The following RAP1GAP variants were observed in gnomAD, a reference collection of about 807,000 sequenced individuals.
The protein encoded by RAP1GAP is RAP1 GTPase activating protein.
In RAP1GAP, 35 loss-of-function variants were observed where a neutral mutation model predicts 87.2. That is an observed-to-expected ratio of 0.40 (90% CI 0.31 to 0.53). The LOEUF is 0.53. RAP1GAP is among the 20% of genes least tolerant of loss of function. The pLI is 0.48. For missense variants in RAP1GAP, 734 were observed against 898.9 expected, an observed-to-expected ratio of 0.82 and a Z score of 2.35; for synonymous variants, 375 against 363.9, an observed-to-expected ratio of 1.03 and a Z score of -0.35.
chr1:21,646,923 G>A (rs545703228), intron 2 of RAP1GAP, among the ~76,000 whole-genome samples: 28 of 152,290 alleles, frequency 1.8e-4, no homozygotes, highest in African/African-American at 6.5e-4. Context: ...ACTCAGCCAT[G>A]ATCACATCTG....
chr1:21,639,229 C>A (rs1431008526), intron 2 of RAP1GAP, among the ~76,000 whole-genome samples: 2 of 152,244 alleles, frequency 1.3e-5, no homozygotes, highest in Non-Finnish European at 2.9e-5. Flanking sequence ...CTGGCACTAC[C>A]CCCAGAAGCC....
rs1010544227 is a variant in RAP1GAP at position 21,609,792 on chromosome 1, G to A, written c.1000-146C>T. ...GGGCTGGATGAATCTTTCTTCCAGA[G>A]ATTTCTGCCCTCTATCTTTTGCCCT... On this transcript the variant is annotated intron_variant, in intron 14 of 24. Coordinates refer to ENST00000374765, the MANE Select transcript of RAP1GAP (RefSeq NM_002885.4). This position sits in a 1 kb window ranked among gnomAD's most constrained non-coding sequence, Gnocchi z 4.4. 4 of 644,810 alleles carry A rather than the reference G, an allele frequency of 6.2e-6. No homozygotes were observed. The highest frequency in any genetic ancestry group is 1.0e-5 in the Non-Finnish European group (4 of 390,542). The allele number at this position is 644,810 out of a possible 1,614,324, so 39.9% of individuals were successfully genotyped here.
rs776371507 is a variant in RAP1GAP at position 21,608,341 on chromosome 1, G to C, written c.1168C>G (p.Arg390Gly). ...TAGAGCGTCTCCAGGAGGGCGGCCC[G>C]CGTCCGCTCCTGTGGGCCAGGCCCG... Reference protein sequence around the residue: ...EKFAKLEERTRAALLETLYEE... With the variant: ...EKFAKLEERTGAALLETLYEE... The change falls in exon 17 of 25, where the codon CGG (arginine) becomes GGG (glycine). Residue 390 changes from arginine to glycine, a missense_variant. This residue lies in a region of RAP1GAP where 485 missense variants were observed against 646.2 expected (regional missense o/e 0.75). Transcript: ENST00000374765. 6.2e-7 allele frequency: 1 copy of C among 1,612,974 alleles called. No homozygotes were observed. The highest frequency in any genetic ancestry group is 1.7e-4 in the Middle Eastern group (1 of 6,046).
At chr1:21,641,461 G>C (rs1186926147) in intron 2 of RAP1GAP, among the ~76,000 whole-genome samples, 1 of 152,144 alleles carries the variant, frequency 6.6e-6, no homozygotes, top group Non-Finnish European at 1.5e-5. Context: ...GGCAAAGCCA[G>C]GCCTTGCACC....
chr1:21,608,036 T>C (rs2075893784), intron 17 of RAP1GAP, among the ~76,000 whole-genome samples, 177 bp downstream of exon 17: 1 of 148,928 alleles, frequency 6.7e-6, no homozygotes, highest in South Asian at 2.1e-4. Flanking sequence ...GCGAACGGCC[T>C]CTAGCTGCAC....
chr1:21,601,593 G>T, intron 20 of RAP1GAP, 91 bp downstream of exon 20: 1 of 934,366 alleles, frequency 1.1e-6, no homozygotes, highest in Non-Finnish European at 1.6e-6. Context: ...GCACAGTCAA[G>T]GCTCCTGTGC....
At chr1:21,600,688 C>T (rs1324559496) in intron 20 of RAP1GAP, among the ~76,000 whole-genome samples, 1 of 151,986 alleles carries the variant, frequency 6.6e-6, no homozygotes, top group Non-Finnish European at 1.5e-5. Context: ...AGATCAAGAC[C>T]ATCCTGGCTA....
At chr1:21,620,266 C>T (rs1425370073) in intron 3 of RAP1GAP, among the ~76,000 whole-genome samples, 5 of 152,218 alleles carry the variant, frequency 3.3e-5, no homozygotes, top group African/African-American at 1.2e-4. Flanking sequence ...AACCCAGAGC[C>T]TAGGGCCCAG....
intron 20 of RAP1GAP, 110 bp from the exon 21 acceptor site, chr1:21,599,727 G>A (rs2066618392): frequency 1.2e-5 from 17 of 1,442,416 alleles, no homozygotes; most frequent in African/African-American, 1.4e-5. Context: ...TAGCAGCCAA[G>A]CACCTTTGAG....
intron 23 of RAP1GAP, 31 bp downstream of exon 23, chr1:21,597,930 C>A: frequency 6.5e-7 from 1 of 1,546,636 alleles, no homozygotes; most frequent in Non-Finnish European, 8.8e-7. Flanking sequence ...GTGGGGCTCC[C>A]TCAGCACCAG....
chr1:21,608,484 C>T, intron 16 of RAP1GAP, 134 bp from the exon 17 acceptor site: 2 of 1,204,582 alleles, frequency 1.7e-6, no homozygotes, highest in Non-Finnish European at 2.3e-6. Context: ...GCGGAGGGCT[C>T]CTGCACCGCC....
Position 21,597,124 on chromosome 1 carries a change from CAG to C in RAP1GAP, c.*173_*174del, listed in dbSNP as rs1645505737. 6.5e-6 allele frequency: 1 copy of C among 152,874 alleles called. No homozygotes were observed. The highest frequency in any genetic ancestry group is 1.5e-5 in the Non-Finnish European group (1 of 68,534). The allele number at this position is 152,874 out of a possible 1,614,324, so 9.5% of individuals were successfully genotyped here. On this transcript the variant is annotated 3_prime_UTR_variant, in exon 25 of 25. Transcript: ENST00000374765. ...CCCAGGTCTGGACGGCTCTGCCCTG[CAG>C]AGACAGCCCAGATGGGTGGGCCATG...
At chr1:21,611,163 T>A (rs572728675) in intron 13 of RAP1GAP, among the ~76,000 whole-genome samples, 2 of 152,244 alleles carry the variant, frequency 1.3e-5, no homozygotes, top group South Asian at 2.1e-4. Flanking sequence ...CCACTCCCCA[T>A]AAAACACCAG....
In RAP1GAP at chr1:21,615,545, C is replaced by A. The variant is rs1334070994; in HGVS notation, c.292-1456G>T. ...TAGCTGGGATTACAGGCGCCCAGCA[C>A]CACACCTGGCTAATTTTTGTATTTT... On this transcript the variant is annotated intron_variant, in intron 7 of 24. Transcript: ENST00000374765. The surrounding 1 kb of genome is among the most constrained non-coding windows in gnomAD (Gnocchi z 4.5). Among the ~76,000 whole-genome samples the A allele has an allele frequency of 6.6e-6, 1 of 152,178 alleles. No individual in the cohort carries two copies. The highest frequency in any genetic ancestry group is 1.5e-5 in the Non-Finnish European group (1 of 68,036).
chr1:21,606,344 C>A, intron 17 of RAP1GAP, 147 bp from the exon 18 acceptor site: 1 of 1,225,206 alleles, frequency 8.2e-7, no homozygotes, highest in Non-Finnish European at 1.1e-6. Context: ...ATGTGGCCAG[C>A]AGGGCAACAG....
intron 7 of RAP1GAP, among the ~76,000 whole-genome samples, chr1:21,616,632 T>G (rs544277021): frequency 9.2e-5 from 14 of 152,322 alleles, no homozygotes; most frequent in African/African-American, 2.6e-4. Context: ...ATTCCCGGCA[T>G]GGGACCTCCC....
At chr1:21,638,456 C>CA (rs34567376) in intron 2 of RAP1GAP, among the ~76,000 whole-genome samples, 36,661 of 127,988 alleles carry the variant, frequency 0.29, 5,385 homozygotes, top group East Asian at 0.57. Flanking sequence ...GACTCTGTCT[C>CA]AAAAAAAAAA....
chr1:21,664,695 G>A (rs1427646742), intron 1 of RAP1GAP, among the ~76,000 whole-genome samples: 8 of 152,168 alleles, frequency 5.3e-5, no homozygotes, highest in Non-Finnish European at 1.0e-4. Flanking sequence ...TTGGAAATGC[G>A]AAGTTACGGA....
chr1:21,644,021 C>T (rs1033437624), intron 2 of RAP1GAP, among the ~76,000 whole-genome samples: 2 of 152,138 alleles, frequency 1.3e-5, no homozygotes, highest in African/African-American at 2.4e-5. Context: ...TGAGGATAGA[C>T]GTGGGATAGC....
Sources: gnomAD v4.1 joint callset for allele counts (sites outside exome capture counted in the v4.1 genomes callset) on GRCh38, gnomAD v4.1.1 for gene constraint, gnomAD v4.1.1 regional missense constraint, Gnocchi (gnomAD v3.1) non-coding constraint, MANE v1.5 for transcripts, NCBI Gene and HGNC (gene_info 2026-07-23, HGNC 2026-07-21) for gene names.